The following SCAPER variants were observed in gnomAD, a reference collection of about 807,000 sequenced individuals.
The protein encoded by SCAPER is S phase cyclin A-associated protein in the endoplasmic reticulum.
SCAPER carries 98 observed loss-of-function variants against 182.2 expected under a neutral mutation model. That is an observed-to-expected ratio of 0.54 (90% CI 0.46 to 0.64). The LOEUF is 0.64. Ranked by LOEUF, SCAPER falls within the 30% of genes least tolerant of loss-of-function variation. The pLI is 0.00. For missense variants in SCAPER, 1,432 were observed against 1,690.0 expected, an observed-to-expected ratio of 0.85 and a Z score of 2.68; for synonymous variants, 605 against 564.6, an observed-to-expected ratio of 1.07 and a Z score of -1.01.
intron 14 of SCAPER, 36 bp from the exon 15 acceptor site, chr15:76,753,984 T>A (rs1295204375): frequency 1.2e-6 from 2 of 1,600,484 alleles, no homozygotes; most frequent in Non-Finnish European, 1.7e-6. Flanking sequence ...TTAATTTCAA[T>A]ATATACAATC....
At chr15:76,362,978 G>T (rs1358079226) in intron 29 of SCAPER, among the ~76,000 whole-genome samples, 2 of 152,082 alleles carry the variant, frequency 1.3e-5, no homozygotes, top group African/African-American at 2.4e-5. Context: ...TTTATTAGTT[G>T]TTTTTTACCC....
intron 29 of SCAPER, among the ~76,000 whole-genome samples, chr15:76,359,167 T>C (rs959690477): frequency 3.3e-4 from 51 of 152,306 alleles, no homozygotes; most frequent in Middle Eastern, 3.4e-3. Context: ...CCCCTCCCAG[T>C]GTGAGGCTTC....
At chr15:76,394,665 T>A (rs1440926064) in intron 27 of SCAPER, among the ~76,000 whole-genome samples, 2 of 152,208 alleles carry the variant, frequency 1.3e-5, no homozygotes, top group African/African-American at 4.8e-5. Flanking sequence ...GCAGGTCACT[T>A]CCTTGCTCAA....
intron 23 of SCAPER, among the ~76,000 whole-genome samples, chr15:76,520,193 G>C (rs1278757151): frequency 6.6e-6 from 1 of 152,080 alleles, no homozygotes; most frequent in Non-Finnish European, 1.5e-5. Context: ...TAGAAGGACA[G>C]AGCCTATAGC....
At chr15:76,751,744 C>T (rs1020794693) in intron 15 of SCAPER, among the ~76,000 whole-genome samples, 1 of 151,558 alleles carries the variant, frequency 6.6e-6, no homozygotes, top group Non-Finnish European at 1.5e-5. Flanking sequence ...GGATCAATTA[C>T]CTAAATATAA....
At chr15:76,609,474 G>A (rs2050783683) in intron 22 of SCAPER, among the ~76,000 whole-genome samples, 1 of 152,084 alleles carries the variant, frequency 6.6e-6, no homozygotes, top group South Asian at 2.1e-4. Context: ...GCAACAGAAT[G>A]AGACCTTTGA....
At chr15:76,623,566 C>T (rs1291147146) in intron 21 of SCAPER, among the ~76,000 whole-genome samples, 1 of 152,082 alleles carries the variant, frequency 6.6e-6, no homozygotes, top group Non-Finnish European at 1.5e-5. Flanking sequence ...AGGTGTGCTG[C>T]ATTATTTCTG....
chr15:76,575,834 G>A (rs180794198), intron 22 of SCAPER, among the ~76,000 whole-genome samples: 138 of 152,290 alleles, frequency 9.1e-4, no homozygotes, highest in Non-Finnish European at 1.6e-3. Context: ...AGCTTTACAA[G>A]GGAATTTCCT....
chr15:76,830,396 T>C (rs1419657525), intron 5 of SCAPER, among the ~76,000 whole-genome samples: 1 of 152,102 alleles, frequency 6.6e-6, no homozygotes, highest in Non-Finnish European at 1.5e-5. Flanking sequence ...GCCTGCAGTG[T>C]GGAGAATCAA....
intron 1 of SCAPER, among the ~76,000 whole-genome samples, chr15:76,892,872 G>A (rs1057064390): frequency 6.6e-6 from 1 of 152,116 alleles, no homozygotes; most frequent in South Asian, 2.1e-4. Flanking sequence ...ACATGCACAC[G>A]TATGTTTACT....
chr15:76,376,937 C>T (rs988723846), intron 28 of SCAPER, among the ~76,000 whole-genome samples: 6 of 152,188 alleles, frequency 3.9e-5, no homozygotes, highest in African/African-American at 9.7e-5. Context: ...AAAGGGCTGT[C>T]GGCGGTGGGC....
intron 29 of SCAPER, among the ~76,000 whole-genome samples, chr15:76,358,359 G>A (rs1381037050): frequency 5.9e-5 from 9 of 152,254 alleles, no homozygotes; most frequent in Admixed American, 5.9e-4. Context: ...TCAGTGGAGG[G>A]AAGAAGTTTA....
At chr15:76,726,389 A>T (rs1264552496) in intron 17 of SCAPER, among the ~76,000 whole-genome samples, 1 of 151,418 alleles carries the variant, frequency 6.6e-6, no homozygotes, top group Non-Finnish European at 1.5e-5. Context: ...AGGATGTGGA[A>T]CCCTTGTGCA....
chr15:76,385,106 T>G (rs1359363865), intron 27 of SCAPER: 1 of 152,202 alleles, frequency 6.6e-6, no homozygotes, highest in Non-Finnish European at 1.5e-5. Flanking sequence ...AAAAGCTAGA[T>G]TCAATTAGGA....
intron 1 of SCAPER, among the ~76,000 whole-genome samples, chr15:76,901,644 T>A (rs1033766063): frequency 6.6e-6 from 1 of 152,250 alleles, no homozygotes; most frequent in African/African-American, 2.4e-5. Context: ...TAAGAAGTTA[T>A]CATTTTAGCA....
chr15:76,795,771 A>G (rs1255029936), intron 7 of SCAPER, among the ~76,000 whole-genome samples: 3 of 152,180 alleles, frequency 2.0e-5, no homozygotes, highest in Non-Finnish European at 4.4e-5. Flanking sequence ...TTTTAATAAT[A>G]CAAATATTGG....
chr15:76,881,443 A>G (rs963441792), intron 2 of SCAPER, among the ~76,000 whole-genome samples: 2 of 152,230 alleles, frequency 1.3e-5, no homozygotes, highest in African/African-American at 4.8e-5. Context: ...TCATAGCATC[A>G]ACATTCACAA....
At chr15:76,700,464 T>A (rs915265876) in intron 20 of SCAPER, among the ~76,000 whole-genome samples, 9 of 152,228 alleles carry the variant, frequency 5.9e-5, no homozygotes, top group Non-Finnish European at 1.0e-4. Context: ...TAGCCACCTC[T>A]TCCTCAGGAG....
intron 25 of SCAPER, among the ~76,000 whole-genome samples, chr15:76,463,267 G>A (rs1354857412): frequency 6.6e-6 from 1 of 152,168 alleles, no homozygotes; most frequent in African/African-American, 2.4e-5. Context: ...TAACTATGGA[G>A]TCTATGTTCT....
Sources: gnomAD v4.1 joint callset for allele counts (sites outside exome capture counted in the v4.1 genomes callset) on GRCh38, gnomAD v4.1.1 for gene constraint, MANE v1.5 for transcripts, NCBI Gene and HGNC (gene_info 2026-07-23, HGNC 2026-07-21) for gene names.